Variants in RAB11FIP4 observed in about 807,000 individuals in gnomAD.
The protein encoded by RAB11FIP4 is RAB11 family interacting protein 4.
RAB11FIP4 carries 23 observed loss-of-function variants against 74.3 expected under a neutral mutation model. The observed-to-expected ratio is 0.31, with a 90% CI of 0.22 to 0.44. The LOEUF (loss-of-function observed/expected upper bound fraction) is 0.44, where lower values mean the gene tolerates loss of function less well. Ranked by LOEUF, RAB11FIP4 falls within the 20% of genes least tolerant of loss-of-function variation. RAB11FIP4 has a pLI of 1.00. For synonymous variants in RAB11FIP4, 360 were observed against 359.9 expected (o/e 1.00, Z 0.00); for missense variants, 630 against 863.9 (o/e 0.73, Z 3.39).
At chr17:31,423,773 C>T (rs1403473174) in intron 1 of RAB11FIP4, among the ~76,000 whole-genome samples, 2 of 152,112 alleles carry the variant, frequency 1.3e-5, no homozygotes, top group Non-Finnish European at 2.9e-5. Flanking sequence ...TAGGCTAGGA[C>T]CTCAAATACA....
intron 11 of RAB11FIP4, 146 bp downstream of exon 11, chr17:31,528,069 T>C: frequency 1.4e-6 from 1 of 697,654 alleles, no homozygotes. Flanking sequence ...TTTCTGATTT[T>C]CCAAGTTTTC....
At chr17:31,460,647 C>T (rs1467354493) in intron 3 of RAB11FIP4, among the ~76,000 whole-genome samples, 1 of 152,110 alleles carries the variant, frequency 6.6e-6, no homozygotes, top group Non-Finnish European at 1.5e-5. Flanking sequence ...TTTCTCTCTC[C>T]CTCCAAGACT....
Position 31,517,851 on chromosome 17 carries a change from T to G in RAB11FIP4, c.537T>G (p.Leu179=). 1 of 1,551,542 alleles carries G rather than the reference T, an allele frequency of 6.4e-7. No homozygotes were observed. The change falls in exon 4 of 15, where the codon CTT becomes CTG. Residue 179 remains leucine (L), a synonymous_variant. Transcript: ENST00000621161. The part of the protein sequence containing the change: ...VGSPAEKDGG[L]GGLFLPEDKS... Reference sequence around the variant, plus strand: ...GTCCTGCCGAGAAGGACGGGGGACTTGGGGGCCTGTTTCTGCCAGAAGACA... The same window carrying G: ...GTCCTGCCGAGAAGGACGGGGGACTGGGGGGCCTGTTTCTGCCAGAAGACA...
intron 3 of RAB11FIP4, among the ~76,000 whole-genome samples, chr17:31,443,128 C>A (rs902180316): frequency 6.6e-6 from 1 of 152,146 alleles, no homozygotes; most frequent in Admixed American, 6.5e-5. Flanking sequence ...AAAATTAGAA[C>A]CCCTCTTTTG....
chr17:31,481,698 G>A (rs1285943123), intron 3 of RAB11FIP4, among the ~76,000 whole-genome samples: 1 of 152,114 alleles, frequency 6.6e-6, no homozygotes, highest in African/African-American at 2.4e-5. Context: ...TCCTCTTCTT[G>A]GATGACTGAA....
intron 3 of RAB11FIP4, among the ~76,000 whole-genome samples, chr17:31,497,011 A>G (rs984040248): frequency 5.9e-5 from 9 of 152,338 alleles, no homozygotes; most frequent in Middle Eastern, 6.8e-3. Context: ...ATGCACAGAA[A>G]TACCTGGCAC....
intron 1 of RAB11FIP4, among the ~76,000 whole-genome samples, chr17:31,425,126 T>C: frequency 1.3e-5 from 2 of 152,356 alleles, no homozygotes; most frequent in South Asian, 4.1e-4. Context: ...ACCTTAATTC[T>C]GAATGACTTT....
At chr17:31,522,577 G>A in intron 7 of RAB11FIP4, 182 bp downstream of exon 7, 1 of 590,596 alleles carries the variant, frequency 1.7e-6, no homozygotes, top group South Asian at 2.1e-5. Flanking sequence ...AGAGGGGCCA[G>A]CTCCTCCCTG....
At chr17:31,490,549 C>T (rs1457240818) in intron 3 of RAB11FIP4, among the ~76,000 whole-genome samples, 1 of 151,390 alleles carries the variant, frequency 6.6e-6, no homozygotes, top group Non-Finnish European at 1.5e-5. Flanking sequence ...GAAAAGGAAG[C>T]ATCTTTTTTT....
Position 31,397,062 on chromosome 17 carries a change from G to C in RAB11FIP4, c.159+5051G>C, listed in dbSNP as rs190041960. 4.6e-5 allele frequency among the ~76,000 whole-genome samples: 7 copies of C among 152,310 alleles called. No homozygotes were observed. The East Asian group carries it at 1.2e-3, about 25-fold the overall frequency. The stretch of plus-strand genomic sequence containing the variant: ...AGACCGGCCAGGAGCCAGCCCTGGG[G>C]CTGGGATCGATGTCTTTTGAGATAC... On this transcript the variant is annotated intron_variant, in intron 1 of 14. Transcript: ENST00000621161.
chr17:31,468,118 G>A (rs931699090), intron 3 of RAB11FIP4, among the ~76,000 whole-genome samples: 1 of 152,218 alleles, frequency 6.6e-6, no homozygotes, highest in African/African-American at 2.4e-5. Context: ...GGGTCACGAG[G>A]GGTTGGGGGA....
intron 3 of RAB11FIP4, among the ~76,000 whole-genome samples, chr17:31,507,310 A>C (rs928227044): frequency 1.3e-5 from 2 of 152,212 alleles, no homozygotes; most frequent in Admixed American, 6.5e-5. Context: ...CAGTCCCATT[A>C]ACAGTGTATA....
intron 3 of RAB11FIP4, among the ~76,000 whole-genome samples, chr17:31,489,269 A>T (rs1424130747): frequency 1.3e-5 from 2 of 152,194 alleles, no homozygotes; most frequent in Non-Finnish European, 2.9e-5. Flanking sequence ...GCTGAAAAGC[A>T]ATGGGGCAGG....
At chr17:31,438,714 G>A (rs754214490) in intron 3 of RAB11FIP4, among the ~76,000 whole-genome samples, 34 of 152,072 alleles carry the variant, frequency 2.2e-4, no homozygotes, top group African/African-American at 7.2e-4. Context: ...ACCGCTCCCC[G>A]TTTCCTGAGA....
chr17:31,411,097 C>T (rs1013625507), intron 1 of RAB11FIP4, among the ~76,000 whole-genome samples: 3 of 152,172 alleles, frequency 2.0e-5, no homozygotes, highest in Admixed American at 6.5e-5. Context: ...GGCGCGGTGG[C>T]TCACGCCTGT....
chr17:31,438,893 C>T (rs1180261921), intron 3 of RAB11FIP4, among the ~76,000 whole-genome samples: 1 of 152,144 alleles, frequency 6.6e-6, no homozygotes, highest in Admixed American at 6.5e-5. Flanking sequence ...GGGAGGATTA[C>T]TTGAGCCCAG....
rs2072969902 is a variant in RAB11FIP4 at position 31,536,697 on chromosome 17, C to G, written c.*4965C>G. On this transcript the variant is annotated 3_prime_UTR_variant, in exon 15 of 15. Coordinates refer to ENST00000621161, the MANE Select transcript of RAB11FIP4 (RefSeq NM_032932.6). ...ACCTGCCAGGTCCTCACTTCCTGCC[C>G]TGGGTGCACACATGAATGGGGCAGC... 1 of 306,648 alleles carries G rather than the reference C, an allele frequency of 3.3e-6. No individual in the cohort carries two copies. The highest frequency in any genetic ancestry group is 6.0e-6 in the Non-Finnish European group (1 of 168,016). The allele number at this position is 306,648 out of a possible 1,614,324, so 19.0% of individuals were successfully genotyped here.
chr17:31,447,376 G>A (rs1177834704), intron 3 of RAB11FIP4, among the ~76,000 whole-genome samples: 1 of 152,176 alleles, frequency 6.6e-6, no homozygotes, highest in African/African-American at 2.4e-5. Flanking sequence ...GAGGCAGGAG[G>A]ATTGCTTAAG....
chr17:31,485,938 A>T (rs1234603416), intron 3 of RAB11FIP4, among the ~76,000 whole-genome samples: 2 of 151,778 alleles, frequency 1.3e-5, no homozygotes, highest in Non-Finnish European at 2.9e-5. Flanking sequence ...TTTTTTTTTT[A>T]AATAGAGACA....
Sources: allele counts gnomAD v4.1 joint callset (sites outside exome capture counted in the v4.1 genomes callset), GRCh38; gene constraint gnomAD v4.1.1; transcripts MANE v1.5; gene names NCBI Gene and HGNC (gene_info 2026-07-23, HGNC 2026-07-21).